Variants in ARNT observed in about 807,000 individuals in gnomAD.
ARNT encodes aryl hydrocarbon receptor nuclear translocator, also known as class E basic helix-loop-helix protein 2.
In ARNT, 30 loss-of-function variants were observed where a neutral mutation model predicts 105.0. That is an observed-to-expected ratio of 0.29 (90% CI 0.21 to 0.39). The LOEUF is 0.39. ARNT is among the 10% of genes least tolerant of loss of function. ARNT has a pLI of 1.00. For missense variants in ARNT, 748 were observed against 978.7 expected (o/e 0.76, Z 3.15); for synonymous variants, 304 against 344.0 (o/e 0.88, Z 1.29).
At chr1:150,864,777 T>TA (rs1310342123) in intron 1 of ARNT, among the ~76,000 whole-genome samples, 87 of 123,678 alleles carry the variant, frequency 7.0e-4, no homozygotes, top group Middle Eastern at 8.5e-3. Flanking sequence ...AATAAATAAA[T>TA]AAATAAATAA....
intron 16 of ARNT, 59 bp from the exon 17 acceptor site, chr1:150,817,261 C>A: frequency 6.2e-7 from 1 of 1,612,344 alleles, no homozygotes; most frequent in Non-Finnish European, 8.5e-7. Flanking sequence ...TTCAATAACC[C>A]TAAAATTCAT....
At chr1:150,868,992 T>C (rs890996024) in intron 1 of ARNT, among the ~76,000 whole-genome samples, 3 of 151,826 alleles carry the variant, frequency 2.0e-5, no homozygotes, top group South Asian at 2.1e-4. Flanking sequence ...CTGGGCATGA[T>C]GGTGCATACC....
intron 1 of ARNT, among the ~76,000 whole-genome samples, chr1:150,864,641 T>A (rs889122823): frequency 1.4e-5 from 2 of 140,606 alleles, no homozygotes; most frequent in Non-Finnish European, 3.1e-5. Context: ...AGGGATAGCA[T>A]TGGGAGATAT....
intron 5 of ARNT, among the ~76,000 whole-genome samples, chr1:150,840,873 G>A (rs988067384): frequency 2.0e-5 from 3 of 151,682 alleles, no homozygotes; most frequent in African/African-American, 7.3e-5. Flanking sequence ...CCATGGGGAT[G>A]CCTCAAGGAG....
intron 13 of ARNT, among the ~76,000 whole-genome samples, chr1:150,825,389 G>A (rs755691237): frequency 1.3e-5 from 2 of 152,098 alleles, no homozygotes; most frequent in East Asian, 1.9e-4. Flanking sequence ...TATCAATAAC[G>A]ACACTACTGA....
At chr1:150,815,633 G>C (rs1379787958) in intron 19 of ARNT, among the ~76,000 whole-genome samples, 3 of 151,904 alleles carry the variant, frequency 2.0e-5, no homozygotes, top group Admixed American at 6.6e-5. Context: ...GCTGAGGTGG[G>C]CGGATCACAA....
intron 1 of ARNT, among the ~76,000 whole-genome samples, chr1:150,872,105 C>T (rs1398860874): frequency 1.3e-5 from 2 of 151,804 alleles, no homozygotes; most frequent in Non-Finnish European, 2.9e-5. Context: ...TATAGAAGTG[C>T]ACCACAGTGC....
intron 1 of ARNT, among the ~76,000 whole-genome samples, chr1:150,862,437 T>TA (rs746132426): frequency 6.6e-6 from 1 of 152,128 alleles, no homozygotes; most frequent in Non-Finnish European, 1.5e-5. Context: ...ATTTTCTTGG[T>TA]AAAAAACAAT....
intron 5 of ARNT, among the ~76,000 whole-genome samples, chr1:150,842,038 G>C (rs1200717951): frequency 6.6e-6 from 1 of 152,032 alleles, no homozygotes; most frequent in Admixed American, 6.6e-5. Context: ...CCTAAATACT[G>C]GGAACTAATC....
chr1:150,823,113 C>T, intron 14 of ARNT, 81 bp downstream of exon 14: 1 of 1,330,568 alleles, frequency 7.5e-7, no homozygotes, highest in Non-Finnish European at 9.9e-7. Context: ...ATTGTTTACC[C>T]CCCACATAGG....
chr1:150,876,227 C>T (rs1668224055), intron 1 of ARNT, among the ~76,000 whole-genome samples: 1 of 152,210 alleles, frequency 6.6e-6, no homozygotes, highest in African/African-American at 2.4e-5. Context: ...AAAAGAGGAC[C>T]ACATCACAGA....
chr1:150,846,198 G>T (rs1557913821), intron 4 of ARNT, 65 bp downstream of exon 4: 4 of 1,402,912 alleles, frequency 2.9e-6, no homozygotes, highest in Non-Finnish European at 4.0e-6. Context: ...AATATGCTAG[G>T]ACTGTCTGGT....
At chr1:150,859,786 G>C (rs1308850485) in intron 1 of ARNT, among the ~76,000 whole-genome samples, 2 of 152,176 alleles carry the variant, frequency 1.3e-5, no homozygotes, top group Non-Finnish European at 2.9e-5. Context: ...AAGGTGGGCA[G>C]ATCACTTGAG....
intron 2 of ARNT, among the ~76,000 whole-genome samples, chr1:150,856,657 G>A (rs1171265897): frequency 6.6e-6 from 1 of 152,022 alleles, no homozygotes; most frequent in African/African-American, 2.4e-5. Context: ...CAGCTGCTTG[G>A]GAGGCTGAGG....
chr1:150,828,618 T>C (rs1478264654), intron 12 of ARNT, among the ~76,000 whole-genome samples: 1 of 152,154 alleles, frequency 6.6e-6, no homozygotes. Flanking sequence ...CTCTTTCACA[T>C]AGCCACAGCC....
chr1:150,853,736 C>T (rs1036328503), intron 2 of ARNT, among the ~76,000 whole-genome samples: 2 of 152,124 alleles, frequency 1.3e-5, no homozygotes, highest in Admixed American at 6.5e-5. Context: ...ATAAGGGGTA[C>T]AATCAACATG....
chr1:150,873,880 A>AT (rs1398480359), intron 1 of ARNT, among the ~76,000 whole-genome samples: 1 of 152,114 alleles, frequency 6.6e-6, no homozygotes, highest in Non-Finnish European at 1.5e-5. Flanking sequence ...TGATTACACC[A>AT]TTGCACTACA....
chr1:150,866,413 A>G (rs192948620), intron 1 of ARNT, among the ~76,000 whole-genome samples: 105 of 152,350 alleles, frequency 6.9e-4, no homozygotes, highest in African/African-American at 2.4e-3. Flanking sequence ...TCTGATGCTG[A>G]AATTTCAGCA....
intron 8 of ARNT, among the ~76,000 whole-genome samples, chr1:150,834,081 A>C (rs1304788954): frequency 2.0e-5 from 3 of 151,724 alleles, no homozygotes; most frequent in Non-Finnish European, 1.5e-5. Context: ...TTATGGGCGC[A>C]CGCCACCACG....
Sources: allele counts gnomAD v4.1 joint callset (sites outside exome capture counted in the v4.1 genomes callset), GRCh38; gene constraint gnomAD v4.1.1; transcripts MANE v1.5; gene names NCBI Gene and HGNC (gene_info 2026-07-23, HGNC 2026-07-21).